VPS53: variants seen among roughly 807,000 people sequenced by gnomAD.
VPS53 encodes the protein VPS53 subunit of GARP complex.
In VPS53, 70 loss-of-function variants were observed where a neutral mutation model predicts 107.0. That is an observed-to-expected ratio of 0.65 (90% CI 0.54 to 0.80). The LOEUF (loss-of-function observed/expected upper bound fraction) is 0.80, where lower values mean the gene tolerates loss of function less well. VPS53 is among the 30% of genes least tolerant of loss of function. The pLI, the probability that VPS53 is intolerant of heterozygous loss-of-function variation, is 0.00. For synonymous variants in VPS53, 409 were observed against 393.3 expected, an observed-to-expected ratio of 1.04 and a Z score of -0.47; for missense variants, 917 against 1,049.4, an observed-to-expected ratio of 0.87 and a Z score of 1.74.
At chr17:566,128 C>T (rs1198906114) in intron 13 of VPS53, among the ~76,000 whole-genome samples, 10 of 146,568 alleles carry the variant, frequency 6.8e-5, no homozygotes, top group Non-Finnish European at 9.0e-5. Flanking sequence ...GGCGTGAACC[C>T]GGGAGGCGGA....
chr17:630,945 G>A (rs1039668127), intron 8 of VPS53, among the ~76,000 whole-genome samples: 2 of 152,148 alleles, frequency 1.3e-5, no homozygotes, highest in African/African-American at 4.8e-5. Context: ...AGTTGGAAGG[G>A]TGGAGCTAAA....
intron 19 of VPS53, among the ~76,000 whole-genome samples, chr17:525,453 CT>C (rs1189630388): frequency 1.3e-5 from 2 of 152,058 alleles, no homozygotes; most frequent in African/African-American, 4.8e-5. Flanking sequence ...TTTTGGGAGG[CT>C]GAGGCAGAAG....
chr17:640,104 C>T (rs1352347967), intron 7 of VPS53, among the ~76,000 whole-genome samples: 1 of 152,176 alleles, frequency 6.6e-6, no homozygotes, highest in Non-Finnish European at 1.5e-5. Flanking sequence ...CAATGGCGGG[C>T]GCCCCTCTCC....
intron 13 of VPS53, among the ~76,000 whole-genome samples, chr17:582,648 C>G (rs1967094102): frequency 6.7e-6 from 1 of 149,296 alleles, no homozygotes; most frequent in Non-Finnish European, 1.5e-5. Context: ...CTAACGTGTT[C>G]CCAGAGAACC....
chr17:530,468 C>G (rs948855133), intron 19 of VPS53, among the ~76,000 whole-genome samples: 9 of 152,104 alleles, frequency 5.9e-5, no homozygotes, highest in African/African-American at 2.2e-4. Context: ...AATTTATATT[C>G]TAACAGTTTA....
At chr17:629,127 CTCTT>C (rs1567689229) in intron 8 of VPS53, among the ~76,000 whole-genome samples, 1 of 152,130 alleles carries the variant, frequency 6.6e-6, no homozygotes, top group Non-Finnish European at 1.5e-5. Context: ...TTTTTGTCAA[CTCTT>C]TCCAATTCCA....
chr17:594,305 C>T (rs1321043158), intron 12 of VPS53, among the ~76,000 whole-genome samples: 2 of 152,212 alleles, frequency 1.3e-5, no homozygotes, highest in African/African-American at 4.8e-5. Flanking sequence ...TACCCTAAAA[C>T]TTAAAGTATA....
chr17:614,606 AGATGTCCTCAAGCTGTGGCAGAGCT>A (rs1170114057), intron 11 of VPS53, among the ~76,000 whole-genome samples: 1 of 152,228 alleles, frequency 6.6e-6, no homozygotes, highest in Non-Finnish European at 1.5e-5. Flanking sequence ...TGTCGGAGAC[AGATGTCCTCAAGCTGTGGCAGAGCT>A]GGAAAACCTG....
chr17:594,488 G>T (rs1447895271), intron 12 of VPS53, among the ~76,000 whole-genome samples: 1 of 150,244 alleles, frequency 6.7e-6, no homozygotes, highest in African/African-American at 2.5e-5. Flanking sequence ...GAGATGGGAA[G>T]GGGTCTGGAT....
intron 4 of VPS53, among the ~76,000 whole-genome samples, chr17:671,987 T>C (rs550941070): frequency 4.6e-5 from 7 of 151,794 alleles, no homozygotes; most frequent in Admixed American, 1.3e-4. Flanking sequence ...AGAATGAGAA[T>C]TGGGAAAAAG....
intron 19 of VPS53, among the ~76,000 whole-genome samples, chr17:525,453 C>T (rs1244138419): frequency 6.6e-6 from 1 of 152,058 alleles, no homozygotes; most frequent in East Asian, 1.9e-4. Flanking sequence ...TTTTGGGAGG[C>T]TGAGGCAGAA....
At chr17:596,476 C>T (rs1967980495) in intron 12 of VPS53, among the ~76,000 whole-genome samples, 1 of 152,160 alleles carries the variant, frequency 6.6e-6, no homozygotes, top group Non-Finnish European at 1.5e-5. Flanking sequence ...CCACCTCTAT[C>T]TGCAGATGAC....
At chr17:522,235 GT>G (rs1390740929) in intron 19 of VPS53, among the ~76,000 whole-genome samples, 6 of 152,184 alleles carry the variant, frequency 3.9e-5, no homozygotes, top group African/African-American at 1.4e-4. Context: ...TCCAGCCTGG[GT>G]GACAGAGGGA....
Position 537,162 on chromosome 17 carries a change from G to A in VPS53, c.1881C>T (p.Asn627=), listed in dbSNP as rs774916513. Residue 627 remains asparagine, a synonymous_variant, in exon 18 of 22, where the codon AAC becomes AAT. Transcript: ENST00000437048. ...GGCTCTGGTCACCAACGTGCTCCAC[G>A]TTCTGCCACTGCATCTGAAAGGGAG... ...LTAMSKMQWQ[N]VEHVGDQSPY... 2.2e-5 allele frequency: 35 copies of A among 1,613,938 alleles called. 1 individual carries two copies. The South Asian group carries it at 2.5e-4, about 12-fold the overall frequency.
At chr17:661,417 C>T (rs542738280) in intron 5 of VPS53, among the ~76,000 whole-genome samples, 36 of 150,292 alleles carry the variant, frequency 2.4e-4, no homozygotes, top group Non-Finnish European at 4.0e-4. Flanking sequence ...GCTACTTGGG[C>T]GGCTGAGGCA....
chr17:665,417 C>G (rs1971640992), intron 4 of VPS53, among the ~76,000 whole-genome samples: 1 of 152,200 alleles, frequency 6.6e-6, no homozygotes, highest in African/African-American at 2.4e-5. Flanking sequence ...AATCTCTTTT[C>G]TTTATAAATG....
chr17:643,944 A>G (rs939227056), intron 7 of VPS53, among the ~76,000 whole-genome samples: 3 of 152,186 alleles, frequency 2.0e-5, no homozygotes, highest in African/African-American at 7.2e-5. Context: ...TCACTCCATC[A>G]TGAGACCTGC....
At chr17:705,423 T>TA (rs11295086) in intron 2 of VPS53, among the ~76,000 whole-genome samples, 11,647 of 143,588 alleles carry the variant, frequency 0.081, 540 homozygotes, top group Non-Finnish European at 0.11. Context: ...GCCCAGTCTG[T>TA]AAAAAAAAAA....
At chr17:689,735 A>G (rs1422647495) in intron 4 of VPS53, among the ~76,000 whole-genome samples, 1 of 152,056 alleles carries the variant, frequency 6.6e-6, no homozygotes, top group Non-Finnish European at 1.5e-5. Context: ...CCGCCTCCCA[A>G]AGTGTTGGGA....
Sources: allele counts gnomAD v4.1 joint callset (sites outside exome capture counted in the v4.1 genomes callset), GRCh38; gene constraint gnomAD v4.1.1; transcripts MANE v1.5; gene names NCBI Gene and HGNC (gene_info 2026-07-23, HGNC 2026-07-21).